The following ZNF276 variants were observed in gnomAD, a reference collection of about 807,000 sequenced individuals.
ZNF276 encodes the protein zinc finger protein 276.
ZNF276 carries 59 observed loss-of-function variants against 63.9 expected under a neutral mutation model. The observed-to-expected ratio is 0.92, with a 90% CI of 0.75 to 1.15. The LOEUF is 1.15. Ranked by LOEUF, ZNF276 falls within the 50% of genes most tolerant of loss-of-function variation. The pLI is 0.00. For missense variants in ZNF276, 1,084 were observed against 843.8 expected, an observed-to-expected ratio of 1.28 and a Z score of -3.53; for synonymous variants, 496 against 348.4, an observed-to-expected ratio of 1.42 and a Z score of -4.72.
intron 4 of ZNF276, among the ~76,000 whole-genome samples, chr16:89,724,514 G>C (rs1057000866): frequency 6.6e-5 from 10 of 152,232 alleles, no homozygotes; most frequent in African/African-American, 2.4e-4. Context: ...AGGTATGGTG[G>C]TGGGCATCTG....
Position 89,723,570 on chromosome 16 carries a change from A to G in ZNF276, c.867A>G (p.Arg289=), listed in dbSNP as rs1414996332. 5.6e-6 allele frequency: 9 copies of G among 1,612,654 alleles called. No homozygotes were observed. The highest frequency in any genetic ancestry group is 7.6e-6 in the Non-Finnish European group (9 of 1,179,996). The change falls in exon 4 of 11, where the codon AGA becomes AGG. Residue 289 remains arginine (R), a synonymous_variant. Transcript: ENST00000443381. ...ATGCCCCTCAGACCTCCCAGGGTAG[A>G]GGGACAGGGACCCCAGTTGGGGCTG... is the stretch of plus-strand genomic sequence containing the variant. ...PGDAPQTSQG[R]GTGTPVGAET...
chr16:89,736,166 T>A (rs530765087), intron 9 of ZNF276, among the ~76,000 whole-genome samples: 2 of 152,028 alleles, frequency 1.3e-5, no homozygotes, highest in African/African-American at 4.8e-5. Flanking sequence ...GCTGGGATTA[T>A]AAGCGTGAGC....
chr16:89,723,614 G>A lies in ZNF276; in HGVS notation c.911G>A (p.Ser304Asn), dbSNP rs750245339. 1.2e-6 allele frequency: 2 copies of A among 1,612,800 alleles called. No homozygotes were observed. The highest frequency in any genetic ancestry group is 1.7e-6 in the Non-Finnish European group (2 of 1,180,022). Residue 304 changes from serine to asparagine, a missense_variant, in exon 4 of 11, where the codon AGC becomes AAC. Physicochemically the swap from Ser to Asn is conservative, Grantham distance 46. Coordinates refer to ENST00000443381, the MANE Select transcript of ZNF276 (RefSeq NM_001113525.2). ...GGGGCTGAGACCAAGACCCTGCCCAGCACGGATGTGGCCCAGCCTCCTTCG... is the reference window on the plus strand; with the variant it reads ...GGGGCTGAGACCAAGACCCTGCCCAACACGGATGTGGCCCAGCCTCCTTCG... ...PVGAETKTLP[S>N]TDVAQPPSDS...
At chr16:89,734,995 C>CT (rs2061805924) in intron 9 of ZNF276, among the ~76,000 whole-genome samples, 1 of 152,062 alleles carries the variant, frequency 6.6e-6, no homozygotes, top group Non-Finnish European at 1.5e-5. Context: ...CTGGTCTCTA[C>CT]TAAAAATACA....
At chr16:89,734,080 G>A (rs2061768286) in intron 9 of ZNF276, 42 bp downstream of exon 9, 1 of 1,585,900 alleles carries the variant, frequency 6.3e-7, no homozygotes, top group South Asian at 1.1e-5. Flanking sequence ...TGACAGCCAG[G>A]GGCACGTGAC....
intron 6 of ZNF276, chr16:89,732,851 T>G (rs1357914110): frequency 9.0e-6 from 2 of 223,430 alleles, no homozygotes; most frequent in Non-Finnish European, 1.8e-5. Context: ...GCCCTTGCCC[T>G]CTGCTGTGCT....
rs747518233 is a variant in ZNF276 at position 89,723,153 on chromosome 16, C to T, written c.526C>T (p.Pro176Ser). ...CCTTTGCAGGGTCGGTGCCCAGCCC[C>T]CAACAGGGGCAGAGGAGGGAGCGTG... Reference protein sequence around the residue: ...KPCAKVGAQPPTGAEEGACLV... With the variant: ...KPCAKVGAQPSTGAEEGACLV... Residue 176 changes from proline (P) to serine (S), a missense_variant, in exon 3 of 11, where the codon CCA (proline) becomes TCA (serine). By Grantham distance (74) the Pro-to-Ser change is moderately conservative (BLOSUM62 -1). Transcript: ENST00000443381. 6.2e-7 allele frequency: 1 copy of T among 1,613,224 alleles called. No homozygotes were observed. Among genetic ancestry groups the T allele is most frequent in the East Asian group, 2.2e-5 (1 of 44,870 alleles).
rs2151711032 is a variant in ZNF276 at position 89,738,988 on chromosome 16, A to G, written c.*742A>G. 9 of 1,614,226 alleles carry G rather than the reference A, an allele frequency of 5.6e-6. No individual in the cohort carries two copies. Among genetic ancestry groups the G allele is most frequent in the Non-Finnish European group, 7.6e-6 (9 of 1,180,044 alleles). On this transcript the variant is annotated 3_prime_UTR_variant, in exon 11 of 11. Coordinates refer to ENST00000443381, the MANE Select transcript of ZNF276 (RefSeq NM_001113525.2). ...CACGGGGTTGCCCTAGAGAGAAAAC[A>G]GGCAAACTCACAGGTTAGAAGACAT...
upstream of ZNF276, chr16:89,720,697 TC>T: frequency 3.0e-6 from 4 of 1,318,304 alleles, no homozygotes; most frequent in South Asian, 2.0e-5. Flanking sequence ...GTCCTCGCCC[TC>T]CCCGGGCGGG....
At chr16:89,737,583 C>T in intron 9 of ZNF276, 1 of 761,258 alleles carries the variant, frequency 1.3e-6, no homozygotes, top group Non-Finnish European at 2.0e-6. Context: ...TCTTTAAAAA[C>T]CATCCTGAAA....
intron 5 of ZNF276, among the ~76,000 whole-genome samples, chr16:89,727,703 C>G (rs2061510845): frequency 6.6e-6 from 1 of 152,318 alleles, no homozygotes; most frequent in African/African-American, 2.4e-5. Context: ...GTTTCTGACC[C>G]AGAGCAGCCT....
chr16:89,726,025 A>C (rs1181493086), intron 4 of ZNF276, among the ~76,000 whole-genome samples: 5 of 152,052 alleles, frequency 3.3e-5, no homozygotes, highest in African/African-American at 4.8e-5. Flanking sequence ...GAACAGTATT[A>C]TTTATTTATT....
At chr16:89,721,465 C>A, upstream of ZNF276, 1 of 541,468 alleles carries the variant, frequency 1.8e-6, no homozygotes, top group Non-Finnish European at 2.9e-6. Flanking sequence ...GAACCTCGGC[C>A]GGCGGGGTCC....
intron 8 of ZNF276, 94 bp downstream of exon 8, chr16:89,733,651 G>C: frequency 1.4e-6 from 2 of 1,415,106 alleles, no homozygotes; most frequent in African/African-American, 2.8e-5. Context: ...TCAGACTTGC[G>C]CCCAAGGACA....
chr16:89,732,627 G>A (rs896690972), intron 6 of ZNF276: 11 of 209,106 alleles, frequency 5.3e-5, no homozygotes, highest in South Asian at 1.9e-4. Flanking sequence ...CTGTGCCCTC[G>A]CCCTCCGCTG....
chr16:89,737,664 T>A lies in ZNF276; in HGVS notation c.1475-142T>A, dbSNP rs55794507. ...AAGATCTTAATAAACGAGGCCCTCA[T>A]AGGCCCCTTGCTTGGGCCCACTGCA... On this transcript the variant is annotated intron_variant, in intron 9 of 10. Transcript: ENST00000443381. The A allele has an allele frequency of 2.0e-4, 291 of 1,491,764 alleles. No homozygotes were observed. The East Asian group carries it at 6.8e-3, about 35-fold the overall frequency. 92.4% of individuals were successfully genotyped at this position (1,491,764 alleles called of 1,614,324 possible).
chr16:89,728,200 AT>A (rs2061525821), intron 5 of ZNF276, among the ~76,000 whole-genome samples: 1 of 125,588 alleles, frequency 8.0e-6, no homozygotes, highest in Non-Finnish European at 1.7e-5. Flanking sequence ...AAGGCCACAA[AT>A]CTTTTTTTTT....
intron 9 of ZNF276, among the ~76,000 whole-genome samples, chr16:89,734,916 T>G (rs1437235817): frequency 6.6e-6 from 1 of 152,184 alleles, no homozygotes; most frequent in Non-Finnish European, 1.5e-5. Flanking sequence ...CCCAGCACTT[T>G]GGGAGGCTGA....
At position 89,734,031 on chromosome 16, in the gene ZNF276, C is replaced by T; in HGVS notation, c.1467C>T (p.Ile489=). Residue 489 remains isoleucine (I), a synonymous_variant, in exon 9 of 11, where the codon ATC becomes ATT. Transcript: ENST00000443381. ...ACCTGCAGCGCCACGTGAAGCTCATCCACACAGGTACGCCTATCGCCAGTG... is the reference window on the plus strand; with the variant it reads ...ACCTGCAGCGCCACGTGAAGCTCATTCACACAGGTACGCCTATCGCCAGTG... ...DRYLQRHVKL[I]HTEVRNYICD... is the part of the protein sequence containing the mutation. The T allele has an allele frequency of 6.2e-7, 1 of 1,613,992 alleles. No individual in the cohort carries two copies. The highest frequency in any genetic ancestry group is 8.5e-7 in the Non-Finnish European group (1 of 1,179,988).
Sources: gnomAD v4.1 joint callset for allele counts (sites outside exome capture counted in the v4.1 genomes callset) on GRCh38, gnomAD v4.1.1 for gene constraint, MANE v1.5 for transcripts, NCBI Gene and HGNC (gene_info 2026-07-23, HGNC 2026-07-21) for gene names.